Variants in ITPR1 observed in about 807,000 individuals in gnomAD.
ITPR1 encodes the protein inositol 1,4,5-trisphosphate receptor type 1, also known as inositol 1,4,5-trisphosphate-gated calcium channel ITPR1.
ITPR1 carries 96 observed loss-of-function variants against 318.4 expected under a neutral mutation model. The ratio of observed to expected loss-of-function variants is 0.30; its 90% confidence interval spans 0.26 to 0.36. ITPR1 has a LOEUF of 0.36. ITPR1 is among the 10% of genes least tolerant of loss of function. ITPR1 has a pLI of 1.00. For missense variants in ITPR1, 2,440 were observed against 3,460.2 expected (o/e 0.71, Z 7.40); for synonymous variants, 1,312 against 1,289.9 (o/e 1.02, Z -0.37).
intron 4 of ITPR1, among the ~76,000 whole-genome samples, chr3:4,600,634 A>C (rs80356211): frequency 0.022 from 3,337 of 152,280 alleles, 152 homozygotes; most frequent in East Asian, 0.22. Context: ...GTAAAATGAT[A>C]GTCCGTGGAC....
At chr3:4,787,572 C>T (rs1575247993) in intron 51 of ITPR1, among the ~76,000 whole-genome samples, 1 of 148,680 alleles carries the variant, frequency 6.7e-6, no homozygotes, top group African/African-American at 2.5e-5. Context: ...AAGGTGCGTG[C>T]CTGTAATCCC....
chr3:4,744,882 C>T (rs2043965325), intron 44 of ITPR1, among the ~76,000 whole-genome samples: 1 of 151,252 alleles, frequency 6.6e-6, no homozygotes. Flanking sequence ...CCCTTCCTCC[C>T]TCTCTGTCTC....
At position 4,592,646 on chromosome 3, in the gene ITPR1, A is replaced by G. The variant is rs150097735; in HGVS notation, c.164-35117A>G. On this transcript the variant is annotated intron_variant, in intron 4 of 61. Transcript: ENST00000649015. ...CTTTGCTTCCCTCTAGGTGGACTCC[A>G]TTGTCAGGCAGGTCCTCCCTCTTAA... Among the ~76,000 whole-genome samples the G allele has an allele frequency of 9.9e-5, 15 of 152,196 alleles. No homozygotes were observed. The East Asian group carries it at 2.9e-3, about 29-fold the overall frequency.
At chr3:4,555,043 G>C (rs1203660062) in intron 4 of ITPR1, among the ~76,000 whole-genome samples, 1 of 152,162 alleles carries the variant, frequency 6.6e-6, no homozygotes, top group Non-Finnish European at 1.5e-5. Flanking sequence ...GTTTCCATCT[G>C]TCATAGGCTG....
rs2050097916 is a variant in ITPR1, at chr3:4,826,667, C to T, written c.8028+8425C>T. ...CCACCCAGCCTTAGAACACATTCTG[C>T]CCTTTAGTCTAGGGAGGATGAAATC... On this transcript the variant is annotated intron_variant, in intron 60 of 61. Coordinates refer to ENST00000649015, the MANE Select transcript of ITPR1 (RefSeq NM_001378452.1). This position sits in a 1 kb window ranked among gnomAD's most constrained non-coding sequence, Gnocchi z 4.2. 6.6e-6 allele frequency among the ~76,000 whole-genome samples: 1 copy of T among 152,236 alleles called. No individual in the cohort carries two copies. The highest frequency in any genetic ancestry group is 2.4e-5 in the African/African-American group (1 of 41,454).
chr3:4,736,196 C>T (rs1307573646), intron 44 of ITPR1, among the ~76,000 whole-genome samples: 1 of 151,866 alleles, frequency 6.6e-6, no homozygotes, highest in Non-Finnish European at 1.5e-5. Context: ...CATACACACA[C>T]ACATATGTTT....
intron 52 of ITPR1, among the ~76,000 whole-genome samples, chr3:4,791,862 G>C (rs1474130950): frequency 1.3e-5 from 2 of 152,208 alleles, no homozygotes; most frequent in African/African-American, 4.8e-5. Context: ...TGAGAGATTG[G>C]GGGATGGGGA....
chr3:4,564,701 T>A (rs1260033360), intron 4 of ITPR1, among the ~76,000 whole-genome samples: 1 of 152,200 alleles, frequency 6.6e-6, no homozygotes, highest in Non-Finnish European at 1.5e-5. Flanking sequence ...GCTGGCATCT[T>A]GATCTTGGAA....
At chr3:4,748,330 G>T (rs936278802) in intron 44 of ITPR1, among the ~76,000 whole-genome samples, 1 of 152,160 alleles carries the variant, frequency 6.6e-6, no homozygotes. Context: ...TCTTGTTTTC[G>T]TTTGGGGTGG....
chr3:4,699,783 T>C (rs781478617), intron 34 of ITPR1, 30 bp from the exon 35 acceptor site: 1 of 1,609,210 alleles, frequency 6.2e-7, no homozygotes, highest in Non-Finnish European at 8.5e-7. Context: ...GGTTTTGGTG[T>C]AATGCTTAAC....
In ITPR1 at chr3:4,521,060, C is replaced by T. The variant is rs771630186; in HGVS notation, c.129C>T (p.Thr43=). 8.7e-6 allele frequency: 14 copies of T among 1,613,534 alleles called. No individual in the cohort carries two copies. The highest frequency in any genetic ancestry group is 8.0e-5 in the African/African-American group (6 of 74,902). Residue 43 remains threonine (T), a synonymous_variant, in exon 4 of 62, where the codon ACC becomes ACT. Coordinates refer to ENST00000649015, the MANE Select transcript of ITPR1 (RefSeq NM_001378452.1). The part of the protein sequence containing the change: ...VDDRCVVQPE[T]GDLNNPPKKF... ...ATCGTTGTGTTGTACAGCCAGAAAC[C>T]GGGGACCTTAACAATCCACCTAAGA... is the stretch of plus-strand genomic sequence containing the variant.
At chr3:4,701,861 A>C (rs1330117362) in intron 35 of ITPR1, among the ~76,000 whole-genome samples, 2 of 152,180 alleles carry the variant, frequency 1.3e-5, no homozygotes, top group Non-Finnish European at 2.9e-5. Flanking sequence ...ATTTTTAATT[A>C]ATCTTTTTTA....
chr3:4,812,113 C>G (rs906932322), intron 56 of ITPR1, among the ~76,000 whole-genome samples: 4 of 151,094 alleles, frequency 2.6e-5, no homozygotes, highest in African/African-American at 9.7e-5. Flanking sequence ...GATTTCACCT[C>G]ACTGCAACCT....
chr3:4,743,981 C>T (rs1286422963), intron 44 of ITPR1, among the ~76,000 whole-genome samples: 2 of 152,124 alleles, frequency 1.3e-5, no homozygotes. Context: ...ACTACAGGTG[C>T]CCACCCCCAC....
chr3:4,538,746 GGGACAT>G, intron 4 of ITPR1, among the ~76,000 whole-genome samples: 1 of 152,264 alleles, frequency 6.6e-6, no homozygotes, highest in South Asian at 2.1e-4. Context: ...GTCCTTTGCA[GGGACAT>G]GGATGGAGCA....
intron 4 of ITPR1, among the ~76,000 whole-genome samples, chr3:4,533,282 G>A (rs1263029656): frequency 6.6e-6 from 1 of 152,220 alleles, no homozygotes; most frequent in Non-Finnish European, 1.5e-5. Context: ...ATAATGAGTG[G>A]GTAAGATGTC....
intron 34 of ITPR1, among the ~76,000 whole-genome samples, chr3:4,697,780 G>A (rs1048633467): frequency 6.6e-6 from 1 of 152,070 alleles, no homozygotes; most frequent in African/African-American, 2.4e-5. Flanking sequence ...TCTTAGCCGA[G>A]AATGGATGTT....
chr3:4,775,018 C>G (rs371634836), intron 46 of ITPR1, among the ~76,000 whole-genome samples: 1 of 152,224 alleles, frequency 6.6e-6, no homozygotes, highest in Admixed American at 6.5e-5. Context: ...CATATACTTA[C>G]ACCTTGGAGA....
At chr3:4,806,407 C>G (rs1025160129) in intron 55 of ITPR1, 140 bp downstream of exon 55, 2 of 819,810 alleles carry the variant, frequency 2.4e-6, no homozygotes, top group African/African-American at 3.4e-5. Context: ...CAGTTGGCAG[C>G]CTTTGGGGGA....
Sources: allele counts gnomAD v4.1 joint callset (sites outside exome capture counted in the v4.1 genomes callset), GRCh38; gene constraint gnomAD v4.1.1; non-coding constraint Gnocchi (gnomAD v3.1); transcripts MANE v1.5; gene names NCBI Gene and HGNC (gene_info 2026-07-23, HGNC 2026-07-21).